Variants in DAAM2 observed in about 807,000 individuals in gnomAD.
DAAM2 encodes the protein dishevelled associated activator of morphogenesis 2.
In DAAM2, 39 loss-of-function variants were observed where a neutral mutation model predicts 120.7. That is an observed-to-expected ratio of 0.32 (90% CI 0.25 to 0.42). DAAM2 has a LOEUF of 0.42. Among genes scored for constraint, DAAM2 ranks in the 10% least tolerant of loss-of-function variants. The pLI is 1.00. For missense variants in DAAM2, 1,283 were observed against 1,401.7 expected (o/e 0.92, Z 1.35); for synonymous variants, 488 against 524.9 (o/e 0.93, Z 0.96).
chr6:39,865,388 T>C lies in DAAM2; in HGVS notation c.428+314T>C, dbSNP rs1027702045. On this transcript the variant is annotated intron_variant, in intron 5 of 24. Transcript: ENST00000274867. ...GGGATAGAATAGGAGCGTGACCAAA[T>C]GGACAAGGTACAAAAGAAAGAGCCT... Among the ~76,000 whole-genome samples the C allele has an allele frequency of 7.9e-5, 12 of 152,274 alleles. 1 individual carries two copies. In the South Asian group the frequency reaches 2.3e-3, roughly 29 times the overall value.
chr6:39,854,488 G>T (rs888176233), intron 1 of DAAM2, among the ~76,000 whole-genome samples: 1 of 152,120 alleles, frequency 6.6e-6, no homozygotes, highest in African/African-American at 2.4e-5. Context: ...GCTTTTCTGG[G>T]CCTATTAAAA....
At position 39,864,519 on chromosome 6, in the gene DAAM2, C is replaced by A. The variant is rs775613425; in HGVS notation, c.333+12C>A. 6.2e-7 allele frequency: 1 copy of A among 1,603,154 alleles called. No homozygotes were observed. The highest frequency in any genetic ancestry group is 8.5e-7 in the Non-Finnish European group (1 of 1,175,532). On this transcript the variant is annotated intron_variant, in intron 4 of 24. Transcript: ENST00000274867. ...ATTCCATGGCTGCGGTGAGTGGCTG[C>A]CCCTCTCCTGCCCTGCCCCCACCTG...
chr6:39,855,831 G>A (rs547988237), intron 1 of DAAM2, among the ~76,000 whole-genome samples: 2 of 152,114 alleles, frequency 1.3e-5, no homozygotes, highest in Non-Finnish European at 2.9e-5. Context: ...CCCCAGACCC[G>A]GAAATGAATC....
chr6:39,891,228 C>A (rs939981826), intron 17 of DAAM2, 113 bp from the exon 18 acceptor site: 1 of 750,062 alleles, frequency 1.3e-6, no homozygotes, highest in Non-Finnish European at 2.3e-6. Context: ...GGGTGCCTCC[C>A]TCTTTCAAGG....
At chr6:39,797,789 T>C (rs1470236499) in intron 1 of DAAM2, among the ~76,000 whole-genome samples, 2 of 152,228 alleles carry the variant, frequency 1.3e-5, no homozygotes, top group East Asian at 3.8e-4. Flanking sequence ...GCAGACTTCG[T>C]ATGGTTCTCC....
chr6:39,793,888 A>G (rs1297303863), intron 1 of DAAM2, among the ~76,000 whole-genome samples: 4 of 152,198 alleles, frequency 2.6e-5, no homozygotes, highest in Non-Finnish European at 5.9e-5. Context: ...ATTTTGCAGT[A>G]GAGCCAACCT....
rs377713628 is a variant in DAAM2, at chr6:39,879,402, C to T, written c.1770C>T (p.Asp590=). ...PLPQDPYPSS[D]VPLRKKRVPQ... is the part of the protein sequence containing the mutation. ...CTCAGGACCCCTACCCCAGCAGTGACGTCCCACTCAGGAAAAAGCGTGTCC... is the reference window on the plus strand; with the variant it reads ...CTCAGGACCCCTACCCCAGCAGTGATGTCCCACTCAGGAAAAAGCGTGTCC... The change falls in exon 14 of 25, where the codon GAC becomes GAT. Residue 590 remains aspartate (D), a synonymous_variant. Coordinates refer to ENST00000274867, the MANE Select transcript of DAAM2 (RefSeq NM_001201427.2). The T allele has an allele frequency of 5.3e-5, 85 of 1,613,604 alleles. No individual in the cohort carries two copies. Among genetic ancestry groups the T allele is most frequent in the African/African-American group, 1.3e-4 (10 of 74,950 alleles).
At chr6:39,872,736 A>T (rs1764711131) in intron 9 of DAAM2, among the ~76,000 whole-genome samples, 1 of 152,234 alleles carries the variant, frequency 6.6e-6, no homozygotes. Flanking sequence ...CTGTCATCAC[A>T]CAACTAAAGC....
At chr6:39,811,138 C>T (rs541938493) in intron 1 of DAAM2, among the ~76,000 whole-genome samples, 9 of 151,166 alleles carry the variant, frequency 6.0e-5, no homozygotes, top group African/African-American at 2.0e-4. Context: ...TTCTTAGAAA[C>T]TTTGATTTGC....
chr6:39,834,646 C>T (rs1266622753), intron 1 of DAAM2, among the ~76,000 whole-genome samples: 1 of 152,186 alleles, frequency 6.6e-6, no homozygotes, highest in Admixed American at 6.5e-5. Context: ...GATTAACTCT[C>T]ACTTTATGTT....
At position 39,900,129 on chromosome 6, in the gene DAAM2, C is replaced by A; in HGVS notation, c.2732C>A (p.Pro911His). ...CGGGAGCCCAGTGACAAGTTTGTCC[C>A]TGTCATGAGCGACTTCATCACGGTG... is the stretch of plus-strand genomic sequence containing the variant. ...QVREPSDKFV[P>H]VMSDFITVSS... Residue 911 changes from proline (P) to histidine (H), a missense_variant, in exon 23 of 25, where the codon CCT becomes CAT. This residue lies in a region of DAAM2 where 748 missense variants were observed against 768.6 expected (regional missense o/e 0.97). Transcript: ENST00000274867. 1 of 1,601,726 alleles carries A rather than the reference C, an allele frequency of 6.2e-7. No homozygotes were observed. The highest frequency in any genetic ancestry group is 1.3e-5 in the African/African-American group (1 of 74,592).
intron 1 of DAAM2, among the ~76,000 whole-genome samples, chr6:39,836,983 TG>T (rs1054684056): frequency 3.5e-4 from 53 of 152,258 alleles, no homozygotes; most frequent in African/African-American, 1.2e-3. Flanking sequence ...TAGCATCACC[TG>T]GGGGAACTTT....
At chr6:39,852,280 G>T (rs1763836520) in intron 1 of DAAM2, among the ~76,000 whole-genome samples, 1 of 152,168 alleles carries the variant, frequency 6.6e-6, no homozygotes, top group Admixed American at 6.5e-5. Flanking sequence ...AAAACTCATT[G>T]TTCCTCTTCT....
rs374151513 is a variant in DAAM2, at chr6:39,896,999, G to A, written c.2510+19G>A. ...TCGACAGGTGAGGACCTCCCTTCCC[G>A]GCCACTTCCTTGGCCTCTATCTCAC... On this transcript the variant is annotated intron_variant, in intron 20 of 24. Transcript: ENST00000274867. The A allele has an allele frequency of 2.6e-5, 42 of 1,594,338 alleles. No individual in the cohort carries two copies. The highest frequency in any genetic ancestry group is 2.0e-4 in the East Asian group (9 of 44,782).
chr6:39,889,080 A>G (rs982370619), intron 17 of DAAM2: 2 of 199,532 alleles, frequency 1.0e-5, no homozygotes, highest in South Asian at 1.6e-4. Context: ...AAGAAACATC[A>G]TCAATTGGAC....
chr6:39,863,184 A>G (rs1582693898), intron 3 of DAAM2, among the ~76,000 whole-genome samples: 3 of 151,806 alleles, frequency 2.0e-5, no homozygotes, highest in African/African-American at 7.3e-5. Flanking sequence ...ATTGGCATCT[A>G]GTAGGTCCCC....
intron 1 of DAAM2, among the ~76,000 whole-genome samples, chr6:39,798,674 C>G (rs903312442): frequency 2.0e-5 from 3 of 152,152 alleles, no homozygotes. Context: ...TGCACCAAAT[C>G]TAGTCTCAAG....
chr6:39,878,446 A>G lies in DAAM2; in HGVS notation c.1403A>G (p.Glu468Gly), dbSNP rs1440093062. ...AGCCGTCTGGAGAGGAAGGAGCGGG[A>G]ATGCGAGACAAAGACATTGGAGAAG... ...LVSRLERKER[E>G]CETKTLEKEE... The change falls in exon 13 of 25, where the codon GAA becomes GGA. Residue 468 changes from glutamate to glycine, a missense_variant. Transcript: ENST00000274867. The surrounding 1 kb of genome is among the most constrained non-coding windows in gnomAD (Gnocchi z 5.0). 1 of 1,611,992 alleles carries G rather than the reference A, an allele frequency of 6.2e-7. No homozygotes were observed. The highest frequency in any genetic ancestry group is 1.3e-5 in the African/African-American group (1 of 75,004).
chr6:39,876,389 T>G (rs1447167990), intron 11 of DAAM2, among the ~76,000 whole-genome samples: 1 of 152,202 alleles, frequency 6.6e-6, no homozygotes, highest in Non-Finnish European at 1.5e-5. Flanking sequence ...GATATTGATG[T>G]AGTTAAAATC....
Sources: gnomAD v4.1 joint callset for allele counts (sites outside exome capture counted in the v4.1 genomes callset) on GRCh38, gnomAD v4.1.1 for gene constraint, gnomAD v4.1.1 regional missense constraint, Gnocchi (gnomAD v3.1) non-coding constraint, MANE v1.5 for transcripts, NCBI Gene and HGNC (gene_info 2026-07-23, HGNC 2026-07-21) for gene names.